The following ATAD2 variants were observed in gnomAD, a reference collection of about 807,000 sequenced individuals.
ATAD2 encodes the protein ATPase family AAA domain containing 2.
In ATAD2, 62 loss-of-function variants were observed where a neutral mutation model predicts 168.9. The ratio of observed to expected loss-of-function variants is 0.37; its 90% CI spans 0.30 to 0.45. The LOEUF (loss-of-function observed/expected upper bound fraction) is 0.45, where lower values mean the gene tolerates loss of function less well. Among genes scored for constraint, ATAD2 ranks in the 20% least tolerant of loss-of-function variants. The pLI is 1.00. For missense variants in ATAD2, 1,419 were observed against 1,667.8 expected, an observed-to-expected ratio of 0.85 and a Z score of 2.60; for synonymous variants, 613 against 571.6, an observed-to-expected ratio of 1.07 and a Z score of -1.03.
rs376606992 is a variant in ATAD2, at chr8:123,339,441, T to C, written c.2724A>G (p.Gln908=). 18 of 1,586,124 alleles carry C rather than the reference T, an allele frequency of 1.1e-5. No individual in the cohort carries two copies. The African/African-American group carries it at 2.4e-4, about 22-fold the overall frequency. ...CTCCATAATCACGGATAAACAATTC[T>C]TGCACCTTAAAAAAGAAAATAAATG... ...KPHSALPEEV[Q]ELFIRDYGEI... The change falls in exon 20 of 28, where the codon CAA becomes CAG. Residue 908 remains glutamine, a synonymous_variant. Transcript: ENST00000287394.
At chr8:123,404,439 G>A (rs1438315410) in intron 1 of ATAD2, among the ~76,000 whole-genome samples, 35 of 152,110 alleles carry the variant, frequency 2.3e-4, no homozygotes, top group Admixed American at 2.3e-3. Context: ...AGCTGCTGGT[G>A]TCTGCTGACA....
At chr8:123,340,837 T>C (rs1828040470) in intron 19 of ATAD2, among the ~76,000 whole-genome samples, 1 of 152,128 alleles carries the variant, frequency 6.6e-6, no homozygotes, top group South Asian at 2.1e-4. Flanking sequence ...AGTTTCTGCT[T>C]GGGATAACAA....
intron 9 of ATAD2, among the ~76,000 whole-genome samples, chr8:123,360,527 G>A (rs1014145686): frequency 8.5e-5 from 13 of 152,054 alleles, no homozygotes; most frequent in South Asian, 2.1e-4. Flanking sequence ...ACTTTTAGTC[G>A]AGACGGGGTT....
intron 1 of ATAD2, among the ~76,000 whole-genome samples, chr8:123,383,589 T>C (rs904279439): frequency 1.1e-4 from 17 of 150,712 alleles, no homozygotes; most frequent in Admixed American, 2.6e-4. Context: ...CTGACCAACA[T>C]GGAGAAACCC....
chr8:123,379,890 A>ATTATTT (rs748949591), intron 2 of ATAD2, among the ~76,000 whole-genome samples: 31 of 129,150 alleles, frequency 2.4e-4, no homozygotes, highest in Middle Eastern at 3.8e-3. Flanking sequence ...TATTATTATT[A>ATTATTT]TTTTTTTTTT....
chr8:123,389,634 C>A (rs568307417), intron 1 of ATAD2, among the ~76,000 whole-genome samples: 3 of 150,344 alleles, frequency 2.0e-5, no homozygotes, highest in Non-Finnish European at 4.4e-5. Flanking sequence ...AGCAAGGCTC[C>A]GTCTCAAAAA....
intron 19 of ATAD2, among the ~76,000 whole-genome samples, chr8:123,340,489 A>G (rs1828031790): frequency 6.6e-6 from 1 of 152,240 alleles, no homozygotes. Context: ...ACTGAAAACA[A>G]AAACTCAAAT....
Position 123,339,400 on chromosome 8 carries a change from T to C in ATAD2, c.2765A>G (p.Gln922Arg), listed in dbSNP as rs770088993. ...IRDYGEIFNV[Q>R]LPDKEERTKF... Reference sequence around the variant, plus strand: ...TGTCCGTTCTTCTTTATCCGGTAACTGGACATTAAAAATCTCTCCATAATC... The same window carrying C: ...TGTCCGTTCTTCTTTATCCGGTAACCGGACATTAAAAATCTCTCCATAATC... The change falls in exon 20 of 28, where the codon CAG becomes CGG. Residue 922 changes from glutamine (Q) to arginine (R), a missense_variant. Transcript: ENST00000287394. 1.3e-6 allele frequency: 2 copies of C among 1,599,860 alleles called. No homozygotes were observed. Among genetic ancestry groups the C allele is most frequent in the Non-Finnish European group, 8.5e-7 (1 of 1,173,450 alleles).
chr8:123,400,000 C>T (rs1812975572), upstream of ATAD2, among the ~76,000 whole-genome samples: 1 of 150,842 alleles, frequency 6.6e-6, no homozygotes, highest in Non-Finnish European at 1.5e-5. Flanking sequence ...CTTGTCTCTA[C>T]TAGAAATACA....
upstream of ATAD2, among the ~76,000 whole-genome samples, chr8:123,399,587 C>T (rs1279714687): frequency 2.0e-5 from 3 of 150,934 alleles, no homozygotes; most frequent in African/African-American, 4.9e-5. Context: ...CCAGGCGGGG[C>T]GGCTCACACC....
intron 7 of ATAD2, 35 bp from the exon 8 acceptor site, chr8:123,369,210 T>G: frequency 2.7e-6 from 2 of 735,312 alleles, no homozygotes; most frequent in Non-Finnish European, 3.7e-6. Context: ...TATTTGTATA[T>G]ATATATATAT....
At chr8:123,387,089 C>T (rs1338870261) in intron 1 of ATAD2, among the ~76,000 whole-genome samples, 1 of 152,038 alleles carries the variant, frequency 6.6e-6, no homozygotes, top group Non-Finnish European at 1.5e-5. Flanking sequence ...TCACAGACAA[C>T]CTCTTTTAAT....
upstream of ATAD2, chr8:123,401,218 G>A (rs1287951736): frequency 5.6e-6 from 5 of 900,054 alleles, no homozygotes; most frequent in Admixed American, 1.7e-5. Context: ...CGTCAATGAC[G>A]ATGATGAGCT....
chr8:123,347,486 T>TAA, intron 15 of ATAD2, 80 bp from the exon 16 acceptor site: 10 of 1,204,236 alleles, frequency 8.3e-6, no homozygotes, highest in South Asian at 1.7e-5. Context: ...TGACCATGGT[T>TAA]AAAAAAAAAA....
intron 13 of ATAD2, among the ~76,000 whole-genome samples, chr8:123,349,717 A>G (rs1026604257): frequency 6.6e-6 from 1 of 152,088 alleles, no homozygotes; most frequent in African/African-American, 2.4e-5. Flanking sequence ...AAGGAACTTA[A>G]GAGTTCTCAA....
At chr8:123,356,094 ATTTT>A (rs34496557) in intron 13 of ATAD2, 4 of 149,376 alleles carry the variant, frequency 2.7e-5, no homozygotes, top group Non-Finnish European at 1.4e-5. Context: ...CACCCGGCTA[ATTTT>A]TTTTTTTTTT....
intron 3 of ATAD2, among the ~76,000 whole-genome samples, chr8:123,372,210 T>C (rs774675786): frequency 2.6e-5 from 4 of 152,194 alleles, no homozygotes; most frequent in African/African-American, 4.8e-5. Context: ...ACATGGATTC[T>C]CAAAGCAATT....
intron 1 of ATAD2, among the ~76,000 whole-genome samples, chr8:123,393,128 TGAGCC>T (rs571295747): frequency 6.8e-6 from 1 of 146,300 alleles, no homozygotes; most frequent in South Asian, 2.1e-4. Context: ...GAGCTTGCAG[TGAGCC>T]GAGATTGGGC....
At chr8:123,414,782 T>C (rs1813216551) in intron 1 of ATAD2, among the ~76,000 whole-genome samples, 1 of 152,120 alleles carries the variant, frequency 6.6e-6, no homozygotes, top group Admixed American at 6.5e-5. Flanking sequence ...ACCTGCAAGG[T>C]TAGGAAGGGA....
Sources: gnomAD v4.1 joint callset for allele counts (sites outside exome capture counted in the v4.1 genomes callset) on GRCh38, gnomAD v4.1.1 for gene constraint, MANE v1.5 for transcripts, NCBI Gene and HGNC (gene_info 2026-07-23, HGNC 2026-07-21) for gene names.